Variants in FA2H observed in about 807,000 individuals in gnomAD.
The protein encoded by FA2H is fatty acid alpha-hydroxylase.
A neutral mutation model predicts 44.9 loss-of-function variants in FA2H; 22 were observed. The observed-to-expected ratio is 0.49, with a 90% CI of 0.35 to 0.70. The LOEUF (loss-of-function observed/expected upper bound fraction) is 0.70. Ranked by LOEUF, FA2H falls within the 30% of genes least tolerant of loss-of-function variation. The probability of loss-of-function intolerance (pLI) is 0.01; values close to 1 mark genes in which losing one functional copy is unlikely to be tolerated. For synonymous variants in FA2H, 243 were observed against 213.2 expected (o/e 1.14, Z -1.22); for missense variants, 501 against 504.9 (o/e 0.99, Z 0.07).
Position 74,716,598 on chromosome 16 carries a change from G to A in FA2H, c.788C>T (p.Ala263Val). 1 of 1,554,276 alleles carries A rather than the reference G, an allele frequency of 6.4e-7. No individual in the cohort carries two copies. The highest frequency in any genetic ancestry group is 8.7e-7 in the Non-Finnish European group (1 of 1,150,890). The change falls in exon 6 of 7, where the codon GCA (alanine) becomes GTA (valine). Residue 263 changes from alanine (A) to valine (V), a missense_variant and splice_region_variant. Transcript: ENST00000219368. ...HFVMHGQHHK[A>V]PFDGSRLVFP... Reference sequence around the variant, plus strand: ...GACCAGGCGGGAGCCGTCGAAGGGTGCCTGCAGATGGAGAGGCTTGGGCAT... The same window carrying A: ...GACCAGGCGGGAGCCGTCGAAGGGTACCTGCAGATGGAGAGGCTTGGGCAT...
chr16:74,763,152 T>A (rs1413983361), intron 1 of FA2H, among the ~76,000 whole-genome samples: 4 of 152,220 alleles, frequency 2.6e-5, no homozygotes, highest in Non-Finnish European at 4.4e-5. Context: ...CTTTCTTTGA[T>A]CTTTGTGAGT....
rs370973830 is a variant in FA2H at position 74,716,540 on chromosome 16, G to C, written c.846C>G (p.Gly282=). 8 of 1,609,186 alleles carry C rather than the reference G, an allele frequency of 5.0e-6. No homozygotes were observed. In the South Asian group the frequency reaches 7.7e-5, roughly 16 times the overall value. The change falls in exon 6 of 7, where the codon GGC becomes GGG. Residue 282 remains glycine (G), a synonymous_variant. Transcript: ENST00000219368. Reference sequence around the variant, plus strand: ...TGAGCTGCATGCACAAGTAGAAGACGCCGATCACCAGGGAGGCTGGCACAG... The same window carrying C: ...TGAGCTGCATGCACAAGTAGAAGACCCCGATCACCAGGGAGGCTGGCACAG... ...FPPVPASLVI[G]VFYLCMQLIL... is the part of the protein sequence containing the mutation.
At chr16:74,715,710 T>C (rs1243689120) in intron 6 of FA2H, among the ~76,000 whole-genome samples, 2 of 152,238 alleles carry the variant, frequency 1.3e-5, no homozygotes, top group African/African-American at 2.4e-5. Flanking sequence ...CACTAGAAAA[T>C]TTAAAATCAC....
intron 1 of FA2H, among the ~76,000 whole-genome samples, chr16:74,758,265 C>G (rs946003602): frequency 6.6e-6 from 1 of 151,324 alleles, no homozygotes; most frequent in Non-Finnish European, 1.5e-5. Flanking sequence ...GGATTATAGG[C>G]GCACACCACC....
chr16:74,742,774 G>T (rs1165904234), intron 1 of FA2H, among the ~76,000 whole-genome samples: 1 of 152,176 alleles, frequency 6.6e-6, no homozygotes, highest in African/African-American at 2.4e-5. Flanking sequence ...GGAGGTTGAG[G>T]CTATGAGTGA....
chr16:74,729,736 C>G (rs1962037170), intron 2 of FA2H, among the ~76,000 whole-genome samples: 1 of 152,146 alleles, frequency 6.6e-6, no homozygotes, highest in African/African-American at 2.4e-5. Flanking sequence ...GTGCCTTTGA[C>G]CAGCTGTGAG....
At chr16:74,749,378 G>A (rs1042273289) in intron 1 of FA2H, among the ~76,000 whole-genome samples, 11 of 113,516 alleles carry the variant, frequency 9.7e-5, no homozygotes, top group Admixed American at 8.7e-4. Flanking sequence ...CGCCCTCCCC[G>A]CAGTCATTGC....
intron 5 of FA2H, 91 bp downstream of exon 5, chr16:74,718,897 G>T: frequency 6.8e-7 from 1 of 1,460,104 alleles, no homozygotes. Flanking sequence ...CAGACTCCCA[G>T]GAGGCTCCGC....
At chr16:74,737,635 C>A (rs1962207837) in intron 2 of FA2H, among the ~76,000 whole-genome samples, 1 of 152,208 alleles carries the variant, frequency 6.6e-6, no homozygotes, top group South Asian at 2.1e-4. Flanking sequence ...GCCAGGGAAA[C>A]TGGGCCCCGG....
chr16:74,774,473 G>A lies in FA2H; in HGVS notation c.270+13C>T, dbSNP rs529508425. ...GGCCTGGGTTGGGGTGGGGGGCCCC[G>A]GCCCGGCTGTACCTGCTGCTCCCCG... On this transcript the variant is annotated intron_variant, in intron 1 of 6. Coordinates refer to ENST00000219368, the MANE Select transcript of FA2H (RefSeq NM_024306.5). 2 of 1,501,012 alleles carry A rather than the reference G, an allele frequency of 1.3e-6. No homozygotes were observed. The highest frequency in any genetic ancestry group is 8.8e-7 in the Non-Finnish European group (1 of 1,130,972). 93.0% of individuals were successfully genotyped at this position (1,501,012 alleles called of 1,614,324 possible). A position where few individuals can be genotyped will look rare whatever the true frequency, so the allele number is the denominator to read the frequency against.
Position 74,721,293 on chromosome 16 carries a change from G to A in FA2H, c.614-2133C>T, listed in dbSNP as rs555840393. Among the ~76,000 whole-genome samples, 45 of 152,016 alleles carry A rather than the reference G, an allele frequency of 3.0e-4. No individual in the cohort carries two copies. In the South Asian group the frequency reaches 6.7e-3, roughly 22 times the overall value. ...AGTGATTCTCCTGCCTCAGCCTCCC[G>A]GGTAGCTGGGATTATAGGTGTGCGC... On this transcript the variant is annotated intron_variant, in intron 4 of 6. Coordinates refer to ENST00000219368, the MANE Select transcript of FA2H (RefSeq NM_024306.5).
intron 2 of FA2H, among the ~76,000 whole-genome samples, chr16:74,738,262 C>G (rs1416859379): frequency 6.6e-6 from 1 of 152,182 alleles, no homozygotes; most frequent in Admixed American, 6.5e-5. Context: ...GCTGCTTGGA[C>G]AGCTGGCCCG....
At chr16:74,735,461 C>T (rs915873112) in intron 2 of FA2H, among the ~76,000 whole-genome samples, 2 of 152,182 alleles carry the variant, frequency 1.3e-5, no homozygotes, top group African/African-American at 4.8e-5. Context: ...AGGCTCACCC[C>T]ACGAGGATTC....
At position 74,714,190 on chromosome 16, in the gene FA2H, T is replaced by A. The variant is rs758814013; in HGVS notation, c.1119A>T (p.Ter373CysextTer48). Residue 373 changes from the stop codon to cysteine (C), a stop_lost, in exon 7 of 7, where the codon TGA becomes TGT. Coordinates refer to ENST00000219368, the MANE Select transcript of FA2H (RefSeq NM_024306.5). ...GGCAGGACGGAGGGGGTGGGAGTTG[T>A]CACTGCGTCTTCAGGTGGGGTTTCT... ...TPEKPHLKTQ[*>C] is the part of the protein sequence containing the mutation. The A allele has an allele frequency of 4.4e-5, 69 of 1,556,456 alleles. No homozygotes were observed. Among genetic ancestry groups the A allele is most frequent in the Non-Finnish European group, 5.9e-5 (68 of 1,148,740 alleles).
chr16:74,766,694 G>C (rs550487380), intron 1 of FA2H, among the ~76,000 whole-genome samples: 22 of 152,270 alleles, frequency 1.4e-4, no homozygotes, highest in African/African-American at 5.3e-4. Context: ...GGCTCTTCTT[G>C]CTCCAGTTAC....
chr16:74,756,964 T>A (rs1043522153), intron 1 of FA2H, among the ~76,000 whole-genome samples: 18 of 151,840 alleles, frequency 1.2e-4, no homozygotes, highest in African/African-American at 4.1e-4. Flanking sequence ...ATGTATAAAA[T>A]CTTAAAGTAG....
At chr16:74,731,156 A>AT (rs547324621) in intron 2 of FA2H, among the ~76,000 whole-genome samples, 6,008 of 136,042 alleles carry the variant, frequency 0.044, 162 homozygotes, top group African/African-American at 0.06. Flanking sequence ...AATCTCTGCC[A>AT]TTTTTTTTTT....
intron 1 of FA2H, among the ~76,000 whole-genome samples, chr16:74,765,077 G>A (rs948934160): frequency 6.6e-6 from 1 of 152,166 alleles, no homozygotes; most frequent in Non-Finnish European, 1.5e-5. Flanking sequence ...AGGCAGAAAT[G>A]AGTGACTTGC....
Position 74,774,598 on chromosome 16 carries a change from C to A in FA2H, c.158G>T (p.Arg53Met). ...HPGGEQLLRARAGQDISADLD... is the reference protein window; with the variant it reads ...HPGGEQLLRAMAGQDISADLD... The stretch of plus-strand genomic sequence containing the variant: ...GTCGGCGCTGATGTCCTGGCCCGCC[C>A]TGGCCCGCAGCAGCTGCTCGCCCCC... The change falls in exon 1 of 7, where the codon AGG becomes ATG. Residue 53 changes from arginine (R) to methionine (M), a missense_variant. Physicochemically the swap from Arg to Met is moderately conservative, Grantham distance 91. Coordinates refer to ENST00000219368, the MANE Select transcript of FA2H (RefSeq NM_024306.5). The A allele has an allele frequency of 1.3e-6, 2 of 1,527,246 alleles. No homozygotes were observed. Among genetic ancestry groups the A allele is most frequent in the Non-Finnish European group, 1.7e-6 (2 of 1,146,334 alleles). 94.6% of individuals were successfully genotyped at this position (1,527,246 alleles called of 1,614,324 possible). A position where few individuals can be genotyped will look rare whatever the true frequency, so the allele number is the denominator to read the frequency against.
Sources: gnomAD v4.1 joint callset for allele counts (sites outside exome capture counted in the v4.1 genomes callset) on GRCh38, gnomAD v4.1.1 for gene constraint, MANE v1.5 for transcripts, NCBI Gene and HGNC (gene_info 2026-07-23, HGNC 2026-07-21) for gene names.